Variants in TNKS observed in about 807,000 individuals in gnomAD.
The protein encoded by TNKS is poly [ADP-ribose] polymerase tankyrase-1.
A neutral mutation model predicts 135.8 loss-of-function variants in TNKS; 72 were observed. The ratio of observed to expected loss-of-function variants is 0.53; its 90% CI spans 0.44 to 0.64. TNKS has a LOEUF of 0.64. Ranked by LOEUF, TNKS falls within the 30% of genes least tolerant of loss-of-function variation. TNKS has a pLI of 0.00. For synonymous variants in TNKS, 849 were observed against 649.3 expected (o/e 1.31, Z -4.68); for missense variants, 1,769 against 1,674.0 (o/e 1.06, Z -0.99).
intron 17 of TNKS, among the ~76,000 whole-genome samples, chr8:9,745,664 C>G (rs1361222805): frequency 6.6e-6 from 1 of 152,114 alleles, no homozygotes; most frequent in African/African-American, 2.4e-5. Flanking sequence ...CTCGGCCTCC[C>G]AAAGTGGTGG....
chr8:9,768,871 A>C (rs1407946851), intron 25 of TNKS, among the ~76,000 whole-genome samples: 1 of 152,158 alleles, frequency 6.6e-6, no homozygotes, highest in Admixed American at 6.5e-5. Flanking sequence ...CCAACTCAAA[A>C]AGCCAGTCCA....
At chr8:9,680,240 C>T (rs1312726189) in intron 4 of TNKS, among the ~76,000 whole-genome samples, 2 of 152,118 alleles carry the variant, frequency 1.3e-5, no homozygotes, top group Admixed American at 6.5e-5. Context: ...CCCAGCTTTT[C>T]CAGCGATATT....
intron 3 of TNKS, among the ~76,000 whole-genome samples, chr8:9,652,349 A>C (rs1290948829): frequency 6.6e-6 from 1 of 152,156 alleles, no homozygotes; most frequent in African/African-American, 2.4e-5. Context: ...TGATTTTTCT[A>C]ATTATCTTCG....
chr8:9,661,038 A>T (rs1206437753), intron 3 of TNKS, among the ~76,000 whole-genome samples: 4 of 151,432 alleles, frequency 2.6e-5, no homozygotes, highest in Non-Finnish European at 5.9e-5. Flanking sequence ...GACGTGAAGG[A>T]CCTCTTCAAG....
chr8:9,563,938 A>AT (rs1466600508), intron 1 of TNKS, among the ~76,000 whole-genome samples: 1 of 152,208 alleles, frequency 6.6e-6, no homozygotes, highest in African/African-American at 2.4e-5. Flanking sequence ...AAGGTCTGAG[A>AT]TAGTTAAGGT....
At chr8:9,647,758 C>T in intron 3 of TNKS, among the ~76,000 whole-genome samples, 1 of 152,164 alleles carries the variant, frequency 6.6e-6, no homozygotes, top group Non-Finnish European at 1.5e-5. Context: ...TTATTGAATA[C>T]AGCAGAATAT....
chr8:9,619,788 C>CTT (rs371608502), intron 3 of TNKS, among the ~76,000 whole-genome samples: 1,439 of 130,794 alleles, frequency 0.011, 12 homozygotes, highest in African/African-American at 0.021. Flanking sequence ...AAATCCTTTG[C>CTT]TTTTTTTTTT....
Position 9,704,686 on chromosome 8 carries a change from G to A in TNKS, c.1131G>A (p.Ala377=), listed in dbSNP as rs540891613. The change falls in exon 6 of 27, where the codon GCG becomes GCA. Residue 377 remains alanine (A), a synonymous_variant. Coordinates refer to ENST00000310430, the MANE Select transcript of TNKS (RefSeq NM_003747.3). ...AGTCGACTCCTTTACATCTAGCAGC[G>A]GGCTACAACAGAGTTCGAATAGTTC... The part of the protein sequence containing the change: ...GRKSTPLHLA[A]GYNRVRIVQL... 25 of 1,613,020 alleles carry A rather than the reference G, an allele frequency of 1.5e-5. No individual in the cohort carries two copies. The East Asian group carries it at 3.3e-4, about 22-fold the overall frequency.
At chr8:9,655,931 G>T (rs1023670059) in intron 3 of TNKS, among the ~76,000 whole-genome samples, 1 of 152,156 alleles carries the variant, frequency 6.6e-6, no homozygotes, top group African/African-American at 2.4e-5. Flanking sequence ...GGCTTCAGAA[G>T]ATCAAACTAT....
chr8:9,743,433 TCTAA>T (rs1314591801), intron 17 of TNKS: 1 of 152,220 alleles, frequency 6.6e-6, no homozygotes, highest in Non-Finnish European at 1.5e-5. Context: ...TCAGCAAGTG[TCTAA>T]CTTTTTCTCA....
intron 26 of TNKS, 62 bp from the exon 27 acceptor site, chr8:9,776,588 G>C: frequency 6.6e-7 from 1 of 1,504,292 alleles, no homozygotes; most frequent in Admixed American, 1.7e-5. Flanking sequence ...TTCCACATTC[G>C]GCAAGGCTTT....
chr8:9,693,287 A>C (rs1803362798), intron 5 of TNKS, among the ~76,000 whole-genome samples: 1 of 152,218 alleles, frequency 6.6e-6, no homozygotes, highest in Admixed American at 6.5e-5. Flanking sequence ...AAGAGGAAAG[A>C]AGCTAATCAT....
intron 3 of TNKS, among the ~76,000 whole-genome samples, chr8:9,636,113 C>G (rs1054334665): frequency 5.3e-5 from 8 of 152,106 alleles, no homozygotes; most frequent in African/African-American, 1.9e-4. Flanking sequence ...GCAGCCTTCT[C>G]AAATGGATAA....
At chr8:9,615,823 A>G (rs749424205) in intron 3 of TNKS, 146 bp downstream of exon 3, 2 of 617,850 alleles carry the variant, frequency 3.2e-6, no homozygotes, top group Admixed American at 3.0e-5. Flanking sequence ...TATTGATTTG[A>G]TATCTGTCTC....
intron 20 of TNKS, among the ~76,000 whole-genome samples, chr8:9,757,559 C>G (rs1227013354): frequency 6.6e-6 from 1 of 152,152 alleles, no homozygotes; most frequent in Non-Finnish European, 1.5e-5. Context: ...AACCTTTCCT[C>G]ATCTCCTTCC....
intron 18 of TNKS, 143 bp from the exon 19 acceptor site, chr8:9,751,466 G>T (rs1277293942): frequency 1.6e-6 from 1 of 638,418 alleles, no homozygotes; most frequent in African/African-American, 1.8e-5. Flanking sequence ...GCTGTGGATA[G>T]GAGAAGGAAT....
chr8:9,766,943 C>T (rs978326788), intron 25 of TNKS, among the ~76,000 whole-genome samples: 1 of 152,174 alleles, frequency 6.6e-6, no homozygotes, highest in African/African-American at 2.4e-5. Context: ...AAACCAGGTA[C>T]ATGGCCTCCA....
chr8:9,591,322 T>G (rs1005063111), intron 2 of TNKS, among the ~76,000 whole-genome samples: 2 of 152,206 alleles, frequency 1.3e-5, no homozygotes, highest in Admixed American at 6.5e-5. Context: ...GTATGGTGTT[T>G]CATTGTATGG....
At chr8:9,586,722 CGTG>C (rs1798391809) in intron 2 of TNKS, among the ~76,000 whole-genome samples, 1 of 143,210 alleles carries the variant, frequency 7.0e-6, no homozygotes, top group Non-Finnish European at 1.5e-5. Context: ...ATATCTAAAA[CGTG>C]TGTGTGTGTG....
Sources: allele counts gnomAD v4.1 joint callset (sites outside exome capture counted in the v4.1 genomes callset), GRCh38; gene constraint gnomAD v4.1.1; transcripts MANE v1.5; gene names NCBI Gene and HGNC (gene_info 2026-07-23, HGNC 2026-07-21).